Variants in COL15A1 observed in about 807,000 individuals in gnomAD.
COL15A1 encodes the protein collagen alpha-1(XV) chain.
COL15A1 carries 111 observed loss-of-function variants against 165.9 expected under a neutral mutation model. The ratio of observed to expected loss-of-function variants is 0.67; its 90% CI spans 0.57 to 0.78. COL15A1 has a LOEUF of 0.78. COL15A1 is among the 30% of genes least tolerant of loss of function. The pLI, the probability that COL15A1 is intolerant of heterozygous loss-of-function variation, is 0.00. For missense variants in COL15A1, 1,745 were observed against 1,789.7 expected, an observed-to-expected ratio of 0.98 and a Z score of 0.45; for synonymous variants, 659 against 674.8, an observed-to-expected ratio of 0.98 and a Z score of 0.36.
At chr9:99,043,609 T>C (rs16918148) in intron 24 of COL15A1, among the ~76,000 whole-genome samples, 19,161 of 152,082 alleles carry the variant, frequency 0.13, 1,264 homozygotes, top group South Asian at 0.2. Flanking sequence ...CCTTTCCTCA[T>C]CAGTGGAGTG....
intron 35 of COL15A1, among the ~76,000 whole-genome samples, chr9:99,058,506 G>C (rs1441781586): frequency 1.3e-5 from 2 of 152,154 alleles, no homozygotes; most frequent in Non-Finnish European, 2.9e-5. Context: ...CATATTACAG[G>C]GTGAGTGCAA....
intron 9 of COL15A1, among the ~76,000 whole-genome samples, chr9:99,015,159 T>C (rs1838907868): frequency 6.6e-6 from 1 of 152,144 alleles, no homozygotes; most frequent in Admixed American, 6.5e-5. Context: ...TTATTTTCCT[T>C]TCACAAAGCT....
rs537985040 is a variant in COL15A1, at chr9:99,042,135, G to A, written c.2574+28G>A. The A allele has an allele frequency of 5.3e-4, 818 of 1,534,386 alleles. 4 individuals carry two copies. In the African/African-American group the frequency reaches 9.1e-3, roughly 17 times the overall value. ...AAGAGGGGCCCAGGTATCTGAGTGA[G>A]ATTGGGCGCTGGAATTTGCTAAACG... is the stretch of plus-strand genomic sequence containing the variant. On this transcript the variant is annotated intron_variant, in intron 24 of 41. Coordinates refer to ENST00000375001, the MANE Select transcript of COL15A1 (RefSeq NM_001855.5).
chr9:99,044,525 AAGG>A (rs763693775), intron 24 of COL15A1, 40 bp from the exon 25 acceptor site: 3 of 1,592,880 alleles, frequency 1.9e-6, no homozygotes, highest in East Asian at 2.2e-5. Flanking sequence ...ACAAGGTGGC[AAGG>A]AGGAGTCCTG....
rs12238232 is a variant in COL15A1 at position 99,034,736 on chromosome 9, G to C, written c.2079+152G>C. On this transcript the variant is annotated intron_variant, in intron 17 of 41. Transcript: ENST00000375001. ...ACACATCTCAAAGGAATTGCTCAGA[G>C]AAGGCAGAACAGCTGGGGATGGTGG... 2.8e-6 allele frequency: 4 copies of C among 1,409,726 alleles called. No homozygotes were observed. In the East Asian group the frequency reaches 1.0e-4, roughly 35 times the overall value. The allele number at this position is 1,409,726 out of a possible 1,614,324, so 87.3% of individuals were successfully genotyped here. A position where few individuals can be genotyped will look rare whatever the true frequency, so the allele number is the denominator to read the frequency against.
At chr9:98,972,706 G>A (rs1342043015) in intron 2 of COL15A1, among the ~76,000 whole-genome samples, 2 of 152,154 alleles carry the variant, frequency 1.3e-5, no homozygotes, top group South Asian at 2.1e-4. Flanking sequence ...GCTGAGGACC[G>A]AGAGATGAGT....
intron 9 of COL15A1, among the ~76,000 whole-genome samples, chr9:99,013,071 A>G (rs962220339): frequency 5.9e-5 from 9 of 152,076 alleles, no homozygotes; most frequent in African/African-American, 2.2e-4. Context: ...GGAGTGTGTC[A>G]AAGTGTGCTG....
intron 2 of COL15A1, among the ~76,000 whole-genome samples, chr9:98,960,725 C>T (rs964945239): frequency 5.3e-5 from 8 of 152,182 alleles, no homozygotes; most frequent in African/African-American, 1.9e-4. Context: ...AAACTATAAA[C>T]GAAATAACGC....
chr9:98,985,533 G>C, intron 2 of COL15A1, 32 bp from the exon 3 acceptor site: 1 of 1,586,800 alleles, frequency 6.3e-7, no homozygotes, highest in Non-Finnish European at 8.6e-7. Context: ...GAATATACCT[G>C]TAAAGCGTGG....
chr9:99,049,733 C>A lies in COL15A1; in HGVS notation c.2837C>A (p.Pro946His). The A allele has an allele frequency of 2.5e-6, 4 of 1,614,130 alleles. No homozygotes were observed. The highest frequency in any genetic ancestry group is 3.4e-6 in the Non-Finnish European group (4 of 1,180,052). ...GGCCCTCCAGGCCCCCCTGGGCCAC[C>A]TGGAGCTGTGATTAACATCAAAGGA... ...LPGPPGPPGP[P>H]GAVINIKGAI... Residue 946 changes from proline to histidine, a missense_variant, in exon 29 of 42, where the codon CCT becomes CAT. Transcript: ENST00000375001.
rs1016529785 is a variant in COL15A1 at position 98,968,982 on chromosome 9, T to C, written c.101-16583T>C. ...CATTGATCTGAGAAAAAAACGCCAA[T>C]CCCAGCCCCCCAGACTCCTGTCTGG... On this transcript the variant is annotated intron_variant, in intron 2 of 41. Transcript: ENST00000375001. Among the ~76,000 whole-genome samples the C allele has an allele frequency of 2.0e-5, 3 of 152,186 alleles. No individual in the cohort carries two copies. In the East Asian group the frequency reaches 5.8e-4, roughly 29 times the overall value.
chr9:99,036,431 T>A (rs773306067), intron 21 of COL15A1, 35 bp downstream of exon 21: 1 of 1,606,200 alleles, frequency 6.2e-7, no homozygotes, highest in Non-Finnish European at 8.5e-7. Context: ...TGTCTACATA[T>A]TTTCCACCTT....
At chr9:99,057,274 G>A (rs867157830) in intron 35 of COL15A1, among the ~76,000 whole-genome samples, 1 of 152,232 alleles carries the variant, frequency 6.6e-6, no homozygotes, top group Non-Finnish European at 1.5e-5. Flanking sequence ...TCTCACTGTG[G>A]TTTTGGTTTG....
intron 35 of COL15A1, among the ~76,000 whole-genome samples, chr9:99,059,568 G>GA (rs934527990): frequency 6.6e-6 from 1 of 152,204 alleles, no homozygotes; most frequent in African/African-American, 2.4e-5. Flanking sequence ...GGACATTTTT[G>GA]AATGCAAGTG....
intron 9 of COL15A1, among the ~76,000 whole-genome samples, chr9:99,013,962 C>T (rs1838887083): frequency 6.7e-6 from 1 of 149,716 alleles, no homozygotes; most frequent in African/African-American, 2.4e-5. Context: ...GGATAGCAAA[C>T]GTGCATGTTG....
In COL15A1 at chr9:99,055,330, T is replaced by C; in HGVS notation, c.3150T>C (p.Leu1050=). The change falls in exon 34 of 42, where the codon CTT becomes CTC. Residue 1050 remains leucine, a synonymous_variant. Coordinates refer to ENST00000375001, the MANE Select transcript of COL15A1 (RefSeq NM_001855.5). ...GEKGDINGSF[L]MSGPPGLPGN... ...AAGGAGACATTAATGGCAGCTTCCT[T>C]ATGTCTGGGCCTCCAGGCCTGCCCG... The C allele has an allele frequency of 3.1e-6, 5 of 1,613,902 alleles. No individual in the cohort carries two copies. The highest frequency in any genetic ancestry group is 3.4e-6 in the Non-Finnish European group (4 of 1,179,774).
intron 2 of COL15A1, among the ~76,000 whole-genome samples, chr9:98,946,548 T>C (rs2078226737): frequency 6.6e-6 from 1 of 152,194 alleles, no homozygotes; most frequent in Non-Finnish European, 1.5e-5. Flanking sequence ...GGCTCTGTCT[T>C]ACAGAGGGGA....
At chr9:98,999,581 T>C (rs554814395) in intron 6 of COL15A1, among the ~76,000 whole-genome samples, 74 of 151,316 alleles carry the variant, frequency 4.9e-4, no homozygotes, top group African/African-American at 1.7e-3. Context: ...TGGAGCACAG[T>C]GGCACAATCA....
At chr9:99,034,626 T>G (rs1839266344) in intron 17 of COL15A1, 42 bp downstream of exon 17, 1 of 1,317,444 alleles carries the variant, frequency 7.6e-7, no homozygotes, top group Non-Finnish European at 9.8e-7. Context: ...AACTTTCTTC[T>G]CCCTCCTCCC....
Sources: allele counts gnomAD v4.1 joint callset (sites outside exome capture counted in the v4.1 genomes callset), GRCh38; gene constraint gnomAD v4.1.1; transcripts MANE v1.5; gene names NCBI Gene and HGNC (gene_info 2026-07-23, HGNC 2026-07-21).